Variants in STAU2 observed in about 807,000 individuals in gnomAD.
STAU2 encodes the protein staufen double-stranded RNA binding protein 2, also known as double-stranded RNA-binding protein Staufen homolog 2.
A neutral mutation model predicts 65.9 loss-of-function variants in STAU2; 20 were observed. The ratio of observed to expected loss-of-function variants is 0.30; its 90% confidence interval spans 0.21 to 0.44. The LOEUF is 0.44. STAU2 is among the 20% of genes least tolerant of loss of function. STAU2 has a pLI of 1.00. For synonymous variants in STAU2, 232 were observed against 233.9 expected, an observed-to-expected ratio of 0.99 and a Z score of 0.07; for missense variants, 558 against 683.9, an observed-to-expected ratio of 0.82 and a Z score of 2.05.
chr8:73,613,044 A>G (rs1408653081), intron 9 of STAU2, among the ~76,000 whole-genome samples: 1 of 152,232 alleles, frequency 6.6e-6, no homozygotes. Context: ...ATATCTTGAA[A>G]AGCTGTGTGC....
chr8:73,694,098 T>C (rs7827502), intron 4 of STAU2, among the ~76,000 whole-genome samples: 3,882 of 152,208 alleles, frequency 0.026, 134 homozygotes, highest in African/African-American at 0.085. Context: ...CTATTACCAG[T>C]GGTAACGAAG....
intron 14 of STAU2, among the ~76,000 whole-genome samples, 190 bp from the exon 15 acceptor site, chr8:73,421,655 A>G (rs1163001686): frequency 6.6e-6 from 1 of 152,250 alleles, no homozygotes; most frequent in Non-Finnish European, 1.5e-5. Flanking sequence ...AAATTAGCTT[A>G]TAAATGGTTG....
At chr8:73,510,322 T>A (rs4260883) in intron 13 of STAU2, among the ~76,000 whole-genome samples, 110,717 of 151,946 alleles carry the variant, frequency 0.73, 40,701 homozygotes, top group East Asian at 0.94. Flanking sequence ...CGCCCACCTC[T>A]GCCTCCCAAA....
intron 4 of STAU2, among the ~76,000 whole-genome samples, chr8:73,702,286 C>A (rs1171154304): frequency 2.0e-5 from 3 of 151,960 alleles, no homozygotes; most frequent in Admixed American, 2.0e-4. Context: ...GCTTTGGATA[C>A]CCAATTTCCA....
intron 6 of STAU2, among the ~76,000 whole-genome samples, chr8:73,640,772 A>G (rs1252438016): frequency 1.3e-5 from 2 of 152,230 alleles, no homozygotes; most frequent in Non-Finnish European, 2.9e-5. Context: ...CATGAAAAGT[A>G]GTTACTAGAA....
intron 10 of STAU2, among the ~76,000 whole-genome samples, chr8:73,600,605 A>G (rs1811567757): frequency 2.0e-5 from 3 of 152,104 alleles, no homozygotes; most frequent in Admixed American, 1.3e-4. Flanking sequence ...ATCAGTCCCT[A>G]TGTTGCTGCT....
chr8:73,549,714 G>T, intron 13 of STAU2: 5 of 985,620 alleles, frequency 5.1e-6, no homozygotes, highest in Non-Finnish European at 6.0e-6. Flanking sequence ...CCAAAGAAGG[G>T]TTTACACAAT....
chr8:73,686,893 CTTTT>C (rs71768700), intron 5 of STAU2, among the ~76,000 whole-genome samples: 1 of 143,128 alleles, frequency 7.0e-6, no homozygotes, highest in Non-Finnish European at 1.5e-5. Flanking sequence ...GGGTTTCTTT[CTTTT>C]TTTTTTTTCT....
At chr8:73,614,129 C>T (rs997077696) in intron 8 of STAU2, among the ~76,000 whole-genome samples, 173 bp from the exon 9 acceptor site, 1 of 152,080 alleles carries the variant, frequency 6.6e-6, no homozygotes, top group African/African-American at 2.4e-5. Context: ...ACACTTGATG[C>T]TTAATGCAAT....
At chr8:73,536,879 C>T (rs1806218795) in intron 13 of STAU2, among the ~76,000 whole-genome samples, 1 of 152,040 alleles carries the variant, frequency 6.6e-6, no homozygotes, top group Non-Finnish European at 1.5e-5. Context: ...CTCAAAATGT[C>T]CAAAATTCAG....
intron 3 of STAU2, among the ~76,000 whole-genome samples, chr8:73,721,355 T>C (rs1821674299): frequency 6.7e-6 from 1 of 149,664 alleles, no homozygotes; most frequent in Non-Finnish European, 1.5e-5. Context: ...GTTGCAAATG[T>C]TTTGGATAAA....
intron 14 of STAU2, 65 bp downstream of exon 14, chr8:73,422,549 C>T: frequency 8.2e-7 from 1 of 1,224,622 alleles, no homozygotes; most frequent in East Asian, 2.8e-5. Context: ...ACATTATTAT[C>T]TATGTCTTAT....
intron 6 of STAU2, among the ~76,000 whole-genome samples, chr8:73,661,887 T>C (rs2130327654): frequency 6.6e-6 from 1 of 152,342 alleles, no homozygotes; most frequent in African/African-American, 2.4e-5. Context: ...AGAAAAATGC[T>C]ACAAACTTTC....
chr8:73,633,631 A>G lies in STAU2; in HGVS notation c.411-16180T>C, dbSNP rs150612036. Among the ~76,000 whole-genome samples the G allele has an allele frequency of 4.0e-3, 606 of 152,270 alleles. 3 individuals carry two copies. The highest frequency in any genetic ancestry group is 6.5e-3 in the Non-Finnish European group (444 of 68,024). On this transcript the variant is annotated intron_variant, in intron 6 of 14. Transcript: ENST00000524300. Reference sequence around the variant, plus strand: ...TAGATCAGTGGTTTCATCTTTGCCTATATACCGGAAGTACATGAGGAGCTT... The same window carrying G: ...TAGATCAGTGGTTTCATCTTTGCCTGTATACCGGAAGTACATGAGGAGCTT...
chr8:73,439,524 A>C (rs964068092), intron 13 of STAU2, among the ~76,000 whole-genome samples: 2 of 152,208 alleles, frequency 1.3e-5, no homozygotes, highest in African/African-American at 4.8e-5. Flanking sequence ...AGCCTGAGGC[A>C]GGAGAATTGC....
chr8:73,626,416 C>T (rs919306499), intron 6 of STAU2, among the ~76,000 whole-genome samples: 4 of 152,160 alleles, frequency 2.6e-5, no homozygotes, highest in African/African-American at 9.7e-5. Context: ...GGCAGCAAAT[C>T]AGAACTTAAT....
chr8:73,534,830 CATA>C (rs1490328876), intron 13 of STAU2, among the ~76,000 whole-genome samples: 19 of 152,136 alleles, frequency 1.2e-4, no homozygotes, highest in Non-Finnish European at 1.9e-4. Flanking sequence ...TTAGTTGATG[CATA>C]ATGTTTCACT....
chr8:73,737,576 T>C (rs1268385600), intron 3 of STAU2, among the ~76,000 whole-genome samples: 3 of 151,684 alleles, frequency 2.0e-5, no homozygotes, highest in Non-Finnish European at 4.4e-5. Flanking sequence ...TTTTTTTTTT[T>C]TTTGTTTTTA....
chr8:73,679,757 G>A (rs1003829268), intron 5 of STAU2, among the ~76,000 whole-genome samples: 2 of 151,214 alleles, frequency 1.3e-5, no homozygotes, highest in African/African-American at 4.9e-5. Context: ...GCAAGGTGGT[G>A]CACACCTGTA....
Sources: allele counts gnomAD v4.1 joint callset (sites outside exome capture counted in the v4.1 genomes callset), GRCh38; gene constraint gnomAD v4.1.1; transcripts MANE v1.5; gene names NCBI Gene and HGNC (gene_info 2026-07-23, HGNC 2026-07-21).